MAPKAP1: variants seen among roughly 807,000 people sequenced by gnomAD.
MAPKAP1 encodes the protein MAPK associated protein 1.
A neutral mutation model predicts 65.7 loss-of-function variants in MAPKAP1; 20 were observed. That is an observed-to-expected ratio of 0.30 (90% CI 0.21 to 0.44). The LOEUF is 0.44. Ranked by LOEUF, MAPKAP1 falls within the 20% of genes least tolerant of loss-of-function variation. The pLI is 1.00. For missense variants in MAPKAP1, 423 were observed against 648.0 expected (o/e 0.65, Z 3.77); for synonymous variants, 222 against 244.3 (o/e 0.91, Z 0.85).
chr9:125,521,922 C>T (rs1829630238), intron 7 of MAPKAP1, among the ~76,000 whole-genome samples: 1 of 152,258 alleles, frequency 6.6e-6, no homozygotes, highest in East Asian at 1.9e-4. Context: ...ATATTGGAAT[C>T]TGAAGACTTT....
At chr9:125,706,658 C>G (rs1444666715) in intron 1 of MAPKAP1, among the ~76,000 whole-genome samples, 1 of 151,964 alleles carries the variant, frequency 6.6e-6, no homozygotes, top group African/African-American at 2.4e-5. Flanking sequence ...TTGATTTTCA[C>G]ATTATGAAGA....
chr9:125,520,265 T>G (rs776625422), intron 7 of MAPKAP1, among the ~76,000 whole-genome samples: 9 of 152,182 alleles, frequency 5.9e-5, no homozygotes, highest in African/African-American at 9.7e-5. Context: ...TTTCATAAAG[T>G]CTGTAGCTTT....
chr9:125,624,273 C>T (rs1286164627), intron 4 of MAPKAP1, among the ~76,000 whole-genome samples: 22 of 22,176 alleles, frequency 9.9e-4, no homozygotes, highest in African/African-American at 2.0e-3. Flanking sequence ...TCTGCCCGGC[C>T]GCCCCTACTG....
intron 8 of MAPKAP1, 75 bp downstream of exon 8, chr9:125,506,235 A>T: frequency 8.0e-7 from 1 of 1,256,540 alleles, no homozygotes; most frequent in Non-Finnish European, 1.2e-6. Context: ...CAGACCAGTG[A>T]GCGTTTCCAA....
chr9:125,511,063 C>T (rs1209695147), intron 7 of MAPKAP1, among the ~76,000 whole-genome samples: 2 of 152,176 alleles, frequency 1.3e-5, no homozygotes, highest in Non-Finnish European at 2.9e-5. Flanking sequence ...GCACCTACCT[C>T]ACAGGATTGT....
chr9:125,497,454 G>T (rs1589237233), intron 8 of MAPKAP1, among the ~76,000 whole-genome samples: 1 of 152,100 alleles, frequency 6.6e-6, no homozygotes, highest in Non-Finnish European at 1.5e-5. Flanking sequence ...AGTTTTCCAG[G>T]CCTCTCATTA....
chr9:125,561,099 C>T (rs371665111), intron 5 of MAPKAP1, among the ~76,000 whole-genome samples: 18 of 152,162 alleles, frequency 1.2e-4, no homozygotes, highest in African/African-American at 4.1e-4. Flanking sequence ...ATGATTGATG[C>T]TTAAATTAAT....
chr9:125,681,476 T>G (rs1834819408), intron 1 of MAPKAP1, among the ~76,000 whole-genome samples: 1 of 152,208 alleles, frequency 6.6e-6, no homozygotes, highest in South Asian at 2.1e-4. Context: ...AGGCACAGTC[T>G]CTTCTTCTAT....
In MAPKAP1 at chr9:125,482,824, C is replaced by T. The variant is rs146722293; in HGVS notation, c.1207+1619G>A. On this transcript the variant is annotated intron_variant, in intron 9 of 11. Transcript: ENST00000265960. ...TGCTTTGGTTCGAAGTTACTGAGTG[C>T]TGTCTCATCTGATCAGCCTGCTAGA... 6.1e-3 allele frequency among the ~76,000 whole-genome samples: 931 copies of T among 152,294 alleles called. 11 individuals carry two copies. Among genetic ancestry groups the T allele is most frequent in the African/African-American group, 0.021 (864 of 41,564 alleles).
intron 2 of MAPKAP1, among the ~76,000 whole-genome samples, chr9:125,671,446 T>C (rs924047215): frequency 4.6e-5 from 7 of 152,342 alleles, no homozygotes; most frequent in East Asian, 3.9e-4. Flanking sequence ...TGTTCTACTA[T>C]ATCTCCTTGC....
chr9:125,502,352 C>T (rs1358266421), intron 8 of MAPKAP1, among the ~76,000 whole-genome samples: 5 of 152,086 alleles, frequency 3.3e-5, no homozygotes, highest in Admixed American at 1.3e-4. Flanking sequence ...TCCACCGGCT[C>T]GGCCTCCCAA....
intron 8 of MAPKAP1, among the ~76,000 whole-genome samples, chr9:125,503,142 T>C (rs149057819): frequency 4.1e-4 from 62 of 152,366 alleles, no homozygotes; most frequent in Admixed American, 1.6e-3. Context: ...TTTTAGGTAT[T>C]TGAGAAAAAC....
rs1367476288 is a variant in MAPKAP1, at chr9:125,439,361, G to A, written c.1444-349C>T. Among the ~76,000 whole-genome samples the A allele has an allele frequency of 6.6e-6, 1 of 152,246 alleles. No homozygotes were observed. Among genetic ancestry groups the A allele is most frequent in the African/African-American group, 2.4e-5 (1 of 41,468 alleles). ...TGGCTATGCCTCCCACCTGCTGTGT[G>A]ACCTGGACAAGCACATAACCTCTCT... On this transcript the variant is annotated intron_variant, in intron 11 of 11. Transcript: ENST00000265960. The surrounding 1 kb of genome is among the most constrained non-coding windows in gnomAD (Gnocchi z 4.0).
At chr9:125,477,088 G>A (rs1854138660) in intron 9 of MAPKAP1, among the ~76,000 whole-genome samples, 1 of 152,178 alleles carries the variant, frequency 6.6e-6, no homozygotes, top group African/African-American at 2.4e-5. Context: ...TTTATGAAAA[G>A]ATAATGGAAG....
chr9:125,598,071 G>GAA (rs898997224), intron 4 of MAPKAP1, among the ~76,000 whole-genome samples: 1 of 129,894 alleles, frequency 7.7e-6, no homozygotes, highest in South Asian at 2.4e-4. Flanking sequence ...GTCGACATGA[G>GAA]AAAAAAAAAA....
At chr9:125,525,151 T>C (rs1829726431) in intron 7 of MAPKAP1, among the ~76,000 whole-genome samples, 1 of 152,146 alleles carries the variant, frequency 6.6e-6, no homozygotes. Context: ...GATCACAAAA[T>C]TGTGAGTCTG....
At chr9:125,465,734 G>A (rs113616622) in intron 10 of MAPKAP1, among the ~76,000 whole-genome samples, 1 of 152,176 alleles carries the variant, frequency 6.6e-6, no homozygotes, top group East Asian at 1.9e-4. Flanking sequence ...TGGGAGAGAC[G>A]GGTGGGCCTC....
chr9:125,654,885 T>C (rs1833986853), intron 4 of MAPKAP1, among the ~76,000 whole-genome samples: 1 of 152,196 alleles, frequency 6.6e-6, no homozygotes. Flanking sequence ...GCAGTTAGTC[T>C]CTTGAGGCAA....
intron 4 of MAPKAP1, chr9:125,596,459 A>G: frequency 1.3e-6 from 1 of 758,640 alleles, no homozygotes; most frequent in East Asian, 2.5e-5. Flanking sequence ...GATTCTGGCA[A>G]TTACAACAAT....
Sources: gnomAD v4.1 joint callset for allele counts (sites outside exome capture counted in the v4.1 genomes callset) on GRCh38, gnomAD v4.1.1 for gene constraint, Gnocchi (gnomAD v3.1) non-coding constraint, MANE v1.5 for transcripts, NCBI Gene and HGNC (gene_info 2026-07-23, HGNC 2026-07-21) for gene names.